CSDE1: variants seen among roughly 807,000 people sequenced by gnomAD.
CSDE1 encodes the protein cold shock domain containing E1.
In CSDE1, 17 loss-of-function variants were observed where a neutral mutation model predicts 89.3. That is an observed-to-expected ratio of 0.19 (90% CI 0.13 to 0.29). CSDE1 has a LOEUF of 0.29. Ranked by LOEUF, CSDE1 falls within the 10% of genes least tolerant of loss-of-function variation. The pLI is 1.00. For missense variants in CSDE1, 672 were observed against 984.2 expected (o/e 0.68, Z 4.24); for synonymous variants, 322 against 332.8 (o/e 0.97, Z 0.35).
intron 10 of CSDE1, among the ~76,000 whole-genome samples, chr1:114,731,107 T>C (rs558897628): frequency 3.3e-5 from 5 of 150,822 alleles, no homozygotes; most frequent in African/African-American, 1.2e-4. Context: ...CAATCTTTTC[T>C]CTTTTTTTTT....
At chr1:114,725,970 T>A (rs1240035545) in intron 14 of CSDE1, among the ~76,000 whole-genome samples, 1 of 152,196 alleles carries the variant, frequency 6.6e-6, no homozygotes, top group African/African-American at 2.4e-5. Context: ...ATACACCAAA[T>A]GGCCAACTCT....
chr1:114,723,025 T>G (rs1557990184), intron 16 of CSDE1, among the ~76,000 whole-genome samples: 1 of 152,174 alleles, frequency 6.6e-6, no homozygotes, highest in Non-Finnish European at 1.5e-5. Flanking sequence ...TTTTTTATTA[T>G]TAGTTTTTTT....
At chr1:114,719,815 C>G in intron 17 of CSDE1, 73 bp from the exon 18 acceptor site, 1 of 1,410,534 alleles carries the variant, frequency 7.1e-7, no homozygotes, top group Non-Finnish European at 9.7e-7. Context: ...ATGCCTGCCC[C>G]TATCTAAAAG....
Position 114,727,053 on chromosome 1 carries a change from C to A in CSDE1, c.1394G>T (p.Gly465Val). The A allele has an allele frequency of 6.2e-7, 1 of 1,613,750 alleles. No individual in the cohort carries two copies. The highest frequency in any genetic ancestry group is 2.2e-5 in the East Asian group (1 of 44,836). ...EDGIIAYDDCGVKLTIAFQAK... is the reference protein window; with the variant it reads ...EDGIIAYDDCVVKLTIAFQAK... ...TTGAAAAGCAATAGTCAGTTTCACC[C>A]CACAGTCATCATAAGCAATAATGCC... Residue 465 changes from glycine to valine, a missense_variant, in exon 13 of 20, where the codon GGG becomes GTG. Transcript: ENST00000358528.
Position 114,732,736 on chromosome 1 carries a change from G to C in CSDE1, c.918C>G (p.Ser306=). ...ELPFGDKDTK[S]KVTLLEGDHV... ...GGTCACCTTCCAGCAGGGTCACCTTGGATTTCGTATCTTTGTCTCCAAAGG... is the reference window on the plus strand; with the variant it reads ...GGTCACCTTCCAGCAGGGTCACCTTCGATTTCGTATCTTTGTCTCCAAAGG... The change falls in exon 10 of 20, where the codon TCC becomes TCG. Residue 306 remains serine, a synonymous_variant. Transcript: ENST00000358528. 6.2e-7 allele frequency: 1 copy of C among 1,614,074 alleles called. No individual in the cohort carries two copies. The highest frequency in any genetic ancestry group is 8.5e-7 in the Non-Finnish European group (1 of 1,179,988).
intron 18 of CSDE1, among the ~76,000 whole-genome samples, chr1:114,719,166 G>T (rs1659368190): frequency 6.6e-6 from 1 of 152,166 alleles, no homozygotes; most frequent in Non-Finnish European, 1.5e-5. Flanking sequence ...AAAATTGGCT[G>T]CATGTGGTGG....
intron 16 of CSDE1, among the ~76,000 whole-genome samples, chr1:114,723,072 T>C (rs1659613835): frequency 6.6e-6 from 1 of 152,162 alleles, no homozygotes; most frequent in Non-Finnish European, 1.5e-5. Context: ...CTGGCCAGGC[T>C]GGTCACGAAC....
chr1:114,723,356 A>T (rs1054510166), intron 16 of CSDE1, among the ~76,000 whole-genome samples: 1 of 152,202 alleles, frequency 6.6e-6, no homozygotes, highest in African/African-American at 2.4e-5. Flanking sequence ...GGAATTCTTG[A>T]AGATAGATGG....
rs1445708801 is a variant in CSDE1 at position 114,717,964 on chromosome 1, C to T, written c.*205G>A. The T allele has an allele frequency of 2.4e-5, 13 of 549,964 alleles. No homozygotes were observed. Among genetic ancestry groups the T allele is most frequent in the Admixed American group, 1.8e-4 (5 of 28,316 alleles). 34.1% of individuals were successfully genotyped at this position (549,964 alleles called of 1,614,324 possible). ...CGCCACCTTAAGTTTTTCCAGGCTG[C>T]AACTGTGCATTATTTAAAATGGTTT... On this transcript the variant is annotated 3_prime_UTR_variant, in exon 20 of 20. Transcript: ENST00000358528.
chr1:114,726,091 T>G (rs781182581), intron 14 of CSDE1, 120 bp downstream of exon 14: 9 of 1,021,056 alleles, frequency 8.8e-6, no homozygotes, highest in Middle Eastern at 3.2e-4. Flanking sequence ...TTGCCATAAT[T>G]CTACCAATAT....
chr1:114,738,127 T>C (rs1019928788), intron 3 of CSDE1, 55 bp from the exon 4 acceptor site: 9 of 1,321,530 alleles, frequency 6.8e-6, no homozygotes, highest in Middle Eastern at 1.8e-4. Flanking sequence ...AAACGATATA[T>C]TGCTTCCAAG....
chr1:114,757,848 T>A (rs867753378), intron 1 of CSDE1, 77 bp downstream of exon 1: 2 of 152,700 alleles, frequency 1.3e-5, no homozygotes, highest in African/African-American at 4.8e-5. Flanking sequence ...AGAAGGCTTC[T>A]CGTTAGCCTT....
intron 7 of CSDE1, 22 bp downstream of exon 7, chr1:114,734,420 G>C: frequency 3.1e-6 from 5 of 1,602,772 alleles, no homozygotes; most frequent in Non-Finnish European, 4.3e-6. Flanking sequence ...GAAAACTCAA[G>C]TTTCTCAAAT....
chr1:114,745,828 G>A (rs79910095), intron 2 of CSDE1, among the ~76,000 whole-genome samples: 3,988 of 152,242 alleles, frequency 0.026, 91 homozygotes, highest in Non-Finnish European at 0.034. Flanking sequence ...TCAAGAAATT[G>A]ATTAAAGTTC....
chr1:114,737,659 C>G (rs1660477855), intron 4 of CSDE1, 96 bp from the exon 5 acceptor site: 5 of 879,570 alleles, frequency 5.7e-6, no homozygotes, highest in East Asian at 2.6e-5. Flanking sequence ...ATACTATATA[C>G]AGGGATGCAT....
At chr1:114,753,365 C>T (rs1372448058) in intron 1 of CSDE1, among the ~76,000 whole-genome samples, 3 of 152,182 alleles carry the variant, frequency 2.0e-5, no homozygotes, top group Non-Finnish European at 4.4e-5. Flanking sequence ...CTCAAACGAA[C>T]CCACCAACAG....
In CSDE1 at chr1:114,717,402, TTTTTG is replaced by T. The variant is rs767793974; in HGVS notation, c.*762_*766del. On this transcript the variant is annotated 3_prime_UTR_variant, in exon 20 of 20. Coordinates refer to ENST00000358528, the MANE Select transcript of CSDE1 (RefSeq NM_001007553.3). ...CAGCAGCAAGTTTGTGCATTCATTT[TTTTTG>T]TTTTTGTTTAAATATGTTTAAATTA... 2 of 152,108 alleles carry T rather than the reference TTTTTG, an allele frequency of 1.3e-5. No homozygotes were observed. Among genetic ancestry groups the T allele is most frequent in the African/African-American group, 4.9e-5 (2 of 40,954 alleles). The allele number at this position is 152,108 out of a possible 1,614,324, so 9.4% of individuals were successfully genotyped here.
chr1:114,725,746 C>A (rs1319115797), intron 14 of CSDE1, among the ~76,000 whole-genome samples: 3 of 152,128 alleles, frequency 2.0e-5, no homozygotes. Context: ...AGTGGTCCTC[C>A]CACATCAGCC....
intron 2 of CSDE1, among the ~76,000 whole-genome samples, chr1:114,741,307 T>G (rs1660713788): frequency 6.6e-6 from 1 of 152,222 alleles, no homozygotes; most frequent in Non-Finnish European, 1.5e-5. Flanking sequence ...CCATCTTTAT[T>G]AAGATCCAAG....
Sources: allele counts gnomAD v4.1 joint callset (sites outside exome capture counted in the v4.1 genomes callset), GRCh38; gene constraint gnomAD v4.1.1; transcripts MANE v1.5; gene names NCBI Gene and HGNC (gene_info 2026-07-23, HGNC 2026-07-21).